PTPRZ1: variants seen among roughly 807,000 people sequenced by gnomAD.
PTPRZ1 encodes the protein protein tyrosine phosphatase receptor type Z1, also known as receptor-type tyrosine-protein phosphatase zeta.
PTPRZ1 carries 82 observed loss-of-function variants against 214.1 expected under a neutral mutation model. The observed-to-expected ratio is 0.38, with a 90% CI of 0.32 to 0.46. The LOEUF (loss-of-function observed/expected upper bound fraction) is 0.46. PTPRZ1 is among the 20% of genes least tolerant of loss of function. The pLI is 1.00. For missense variants in PTPRZ1, 2,603 were observed against 2,748.7 expected (o/e 0.95, Z 1.19); for synonymous variants, 945 against 987.9 (o/e 0.96, Z 0.81).
intron 14 of PTPRZ1, among the ~76,000 whole-genome samples, chr7:122,029,309 T>C (rs1451788676): frequency 6.6e-6 from 1 of 151,986 alleles, no homozygotes; most frequent in African/African-American, 2.4e-5. Context: ...GATAGAGACA[T>C]CCATTAATCC....
intron 21 of PTPRZ1, among the ~76,000 whole-genome samples, chr7:122,042,308 A>G (rs1799755356): frequency 6.6e-6 from 1 of 152,206 alleles, no homozygotes; most frequent in Non-Finnish European, 1.5e-5. Context: ...TCATTGTACA[A>G]TATACAATGA....
chr7:121,896,568 G>C (rs1294978357), intron 1 of PTPRZ1, among the ~76,000 whole-genome samples: 1 of 151,960 alleles, frequency 6.6e-6, no homozygotes, highest in African/African-American at 2.4e-5. Context: ...CTTAAGAACA[G>C]TATGCCCATC....
intron 23 of PTPRZ1, among the ~76,000 whole-genome samples, chr7:122,050,238 T>C (rs1210784967): frequency 1.3e-5 from 2 of 151,452 alleles, no homozygotes; most frequent in Non-Finnish European, 2.9e-5. Context: ...AGCCCAGGAG[T>C]TCGAGACCAG....
At chr7:121,907,736 G>A (rs1453021505) in intron 1 of PTPRZ1, among the ~76,000 whole-genome samples, 1 of 149,254 alleles carries the variant, frequency 6.7e-6, no homozygotes, top group Non-Finnish European at 1.5e-5. Flanking sequence ...GCTTTTCCAT[G>A]TATAAGTTTC....
intron 2 of PTPRZ1, among the ~76,000 whole-genome samples, chr7:121,931,356 T>C (rs1795917902): frequency 6.6e-6 from 1 of 152,138 alleles, no homozygotes; most frequent in African/African-American, 2.4e-5. Flanking sequence ...AGGAGGTTAT[T>C]TTCCTCTAAC....
intron 4 of PTPRZ1, among the ~76,000 whole-genome samples, chr7:121,974,013 T>A (rs767428080): frequency 3.3e-5 from 5 of 151,248 alleles, no homozygotes; most frequent in Non-Finnish European, 5.9e-5. Flanking sequence ...CTCTGGGTGA[T>A]GGCATTATAG....
chr7:121,970,511 A>C (rs966812208), intron 3 of PTPRZ1, among the ~76,000 whole-genome samples: 1 of 151,880 alleles, frequency 6.6e-6, no homozygotes, highest in Non-Finnish European at 1.5e-5. Context: ...GTGTGAGATG[A>C]TATCTCATTG....
chr7:121,904,455 C>A (rs2116278579), intron 1 of PTPRZ1, among the ~76,000 whole-genome samples: 1 of 152,310 alleles, frequency 6.6e-6, no homozygotes, highest in African/African-American at 2.4e-5. Flanking sequence ...CAAAGATATT[C>A]ACCTTGTGGA....
chr7:121,990,762 C>T (rs977740067), intron 8 of PTPRZ1, among the ~76,000 whole-genome samples: 1 of 152,026 alleles, frequency 6.6e-6, no homozygotes, highest in South Asian at 2.1e-4. Flanking sequence ...TCAGGTGATC[C>T]GCCTGCCCTC....
intron 2 of PTPRZ1, among the ~76,000 whole-genome samples, chr7:121,945,710 T>G (rs540833725): frequency 6.6e-6 from 1 of 152,262 alleles, no homozygotes; most frequent in Admixed American, 6.5e-5. Context: ...ATTCTGTACC[T>G]CTTCTTATAC....
chr7:121,902,034 T>C (rs551985194), intron 1 of PTPRZ1, among the ~76,000 whole-genome samples: 3 of 152,142 alleles, frequency 2.0e-5, no homozygotes, highest in Non-Finnish European at 2.9e-5. Context: ...CACCAGCAGG[T>C]AGTCACTCTT....
At chr7:122,055,895 G>C (rs1487652280) in intron 27 of PTPRZ1, among the ~76,000 whole-genome samples, 2 of 151,896 alleles carry the variant, frequency 1.3e-5, no homozygotes, top group African/African-American at 2.4e-5. Context: ...TATACAAGAA[G>C]ATTCTCTATC....
chr7:121,923,633 T>A (rs1170644722), intron 1 of PTPRZ1, among the ~76,000 whole-genome samples: 1 of 152,010 alleles, frequency 6.6e-6, no homozygotes, highest in Admixed American at 6.6e-5. Flanking sequence ...CAGAAGCATT[T>A]TTAGAATTCA....
intron 1 of PTPRZ1, among the ~76,000 whole-genome samples, chr7:121,896,776 T>TAA (rs554990834): frequency 6.6e-5 from 8 of 121,056 alleles, no homozygotes; most frequent in Admixed American, 1.6e-4. Context: ...CTGCCTCAAA[T>TAA]AAAAAAAAAA....
At chr7:122,043,610 A>G (rs916458371) in intron 22 of PTPRZ1, among the ~76,000 whole-genome samples, 7 of 152,174 alleles carry the variant, frequency 4.6e-5, no homozygotes, top group Non-Finnish European at 8.8e-5. Context: ...ACGAAACCAC[A>G]CCAAACATCC....
At chr7:122,048,466 A>G (rs1187557789) in intron 23 of PTPRZ1, among the ~76,000 whole-genome samples, 1 of 152,158 alleles carries the variant, frequency 6.6e-6, no homozygotes, top group African/African-American at 2.4e-5. Flanking sequence ...AATTTATTGT[A>G]TGTTCTAAAA....
intron 1 of PTPRZ1, among the ~76,000 whole-genome samples, chr7:121,888,451 A>G (rs117043463): frequency 5.9e-5 from 9 of 152,248 alleles, no homozygotes; most frequent in Non-Finnish European, 8.8e-5. Flanking sequence ...TATGAGACTA[A>G]TAGACAAATG....
chr7:121,983,925 C>A (rs750291370), intron 7 of PTPRZ1, 42 bp from the exon 8 acceptor site: 1 of 1,599,184 alleles, frequency 6.3e-7, no homozygotes, highest in Non-Finnish European at 8.5e-7. Flanking sequence ...TTTACCAATG[C>A]CTTTGAAGCA....
intron 6 of PTPRZ1, among the ~76,000 whole-genome samples, chr7:121,982,358 T>C (rs1030892701): frequency 1.3e-5 from 2 of 152,200 alleles, no homozygotes; most frequent in Admixed American, 6.5e-5. Flanking sequence ...TTCAAGATTG[T>C]CTTAACTTTT....
Sources: gnomAD v4.1 joint callset for allele counts (sites outside exome capture counted in the v4.1 genomes callset) on GRCh38, gnomAD v4.1.1 for gene constraint, MANE v1.5 for transcripts, NCBI Gene and HGNC (gene_info 2026-07-23, HGNC 2026-07-21) for gene names.